CNTN6: variants seen among roughly 807,000 people sequenced by gnomAD.
The protein encoded by CNTN6 is contactin 6.
CNTN6 carries 137 observed loss-of-function variants against 122.8 expected under a neutral mutation model. The observed-to-expected ratio is 1.12, with a 90% CI of 0.97 to 1.29. The LOEUF is 1.29. Among genes scored for constraint, CNTN6 ranks in the 50% most tolerant of loss-of-function variants. The pLI, the probability that CNTN6 is intolerant of heterozygous loss-of-function variation, is 0.00. For synonymous variants in CNTN6, 570 were observed against 426.0 expected, an observed-to-expected ratio of 1.34 and a Z score of -4.16; for missense variants, 1,634 against 1,223.4, an observed-to-expected ratio of 1.34 and a Z score of -5.01.
chr3:1,112,997 CT>C (rs1399758688), intron 1 of CNTN6, among the ~76,000 whole-genome samples: 1 of 152,148 alleles, frequency 6.6e-6, no homozygotes, highest in Non-Finnish European at 1.5e-5. Flanking sequence ...ACTAATTACA[CT>C]ATCACTTATT....
intron 20 of CNTN6, among the ~76,000 whole-genome samples, chr3:1,390,542 G>A (rs1453661075): frequency 6.6e-6 from 1 of 152,016 alleles, no homozygotes; most frequent in Non-Finnish European, 1.5e-5. Context: ...CTGGCAGAAA[G>A]AAAGAAATAA....
Position 1,147,936 on chromosome 3 carries a change from A to G in CNTN6, c.-73A>G. On this transcript the variant is annotated 5_prime_UTR_variant, in exon 2 of 23. Coordinates refer to ENST00000446702, the MANE Select transcript of CNTN6 (RefSeq NM_001289080.2). ...ATTTTGTCTTTTTCAGACTCTTGAG[A>G]TACTGACTGGAAGATAGACTGTTTT... The G allele has an allele frequency of 1.9e-6, 2 of 1,058,046 alleles. No homozygotes were observed. The highest frequency in any genetic ancestry group is 2.9e-6 in the Non-Finnish European group (2 of 683,108). 65.5% of individuals were successfully genotyped at this position (1,058,046 alleles called of 1,614,324 possible).
chr3:1,277,346 C>CTTTTTTTTTTTTTTTT lies in CNTN6; in HGVS notation c.359-1051_359-1036dup, dbSNP rs10599744. Among the ~76,000 whole-genome samples the CTTTTTTTTTTTTTTTT allele has an allele frequency of 2.5e-4, 20 of 80,170 alleles. 2 individuals carry two copies. Among genetic ancestry groups the CTTTTTTTTTTTTTTTT allele is most frequent in the South Asian group, 4.0e-4 (1 of 2,472 alleles). 52.6% of individuals were successfully genotyped at this position (80,170 alleles called of 152,430 possible). On this transcript the variant is annotated intron_variant, in intron 4 of 22. Transcript: ENST00000446702. ...CTACTTCTGTCTTTTAGTAGGTTTT[C>CTTTTTTTTTTTTTTTT]TTTTTTTTTTTTTTTTTTTTTTTTT...
Position 1,295,807 on chromosome 3 carries a change from A to T in CNTN6, c.658+3A>T. The T allele has an allele frequency of 6.2e-7, 1 of 1,609,664 alleles. No homozygotes were observed. The highest frequency in any genetic ancestry group is 2.2e-5 in the East Asian group (1 of 44,860). ...TCCATTAGTGCAGCGCACTGATGGTAAGATAATGAGTTATCTTGGGAATGT... is the reference window on the plus strand; with the variant it reads ...TCCATTAGTGCAGCGCACTGATGGTTAGATAATGAGTTATCTTGGGAATGT... On this transcript the variant is annotated splice_donor_region_variant and intron_variant, in intron 6 of 22. Coordinates refer to ENST00000446702, the MANE Select transcript of CNTN6 (RefSeq NM_001289080.2).
chr3:1,176,696 T>A (rs976556735), intron 2 of CNTN6, among the ~76,000 whole-genome samples: 1 of 152,228 alleles, frequency 6.6e-6, no homozygotes, highest in Non-Finnish European at 1.5e-5. Flanking sequence ...ACTATGTCTG[T>A]TTATTTAAGA....
intron 7 of CNTN6, among the ~76,000 whole-genome samples, chr3:1,316,830 G>A (rs1447769230): frequency 6.6e-6 from 1 of 151,770 alleles, no homozygotes; most frequent in Non-Finnish European, 1.5e-5. Context: ...ATTGATTCCA[G>A]TTTTTCCCAC....
At position 1,257,716 on chromosome 3, in the gene CNTN6, C is replaced by T. The variant is rs563530879; in HGVS notation, c.359-20697C>T. 3.9e-5 allele frequency among the ~76,000 whole-genome samples: 6 copies of T among 152,252 alleles called. No homozygotes were observed. The South Asian group carries it at 8.3e-4, about 21-fold the overall frequency. On this transcript the variant is annotated intron_variant, in intron 4 of 22. Coordinates refer to ENST00000446702, the MANE Select transcript of CNTN6 (RefSeq NM_001289080.2). ...AATAATTTTCCCTTCACACCCCTCC[C>T]GGCAGGGTAGAACACTAGCTGGTGA...
intron 11 of CNTN6, among the ~76,000 whole-genome samples, chr3:1,335,070 A>C (rs1326353403): frequency 6.6e-6 from 1 of 152,134 alleles, no homozygotes; most frequent in East Asian, 1.9e-4. Flanking sequence ...AAGTGATTTG[A>C]AGTCAAAGAT....
intron 2 of CNTN6, among the ~76,000 whole-genome samples, chr3:1,217,719 C>T (rs2094147464): frequency 6.6e-6 from 1 of 152,148 alleles, no homozygotes; most frequent in Admixed American, 6.5e-5. Context: ...TCAGATTCCT[C>T]TGGTGCCTGC....
intron 2 of CNTN6, among the ~76,000 whole-genome samples, chr3:1,213,317 C>T (rs1273057470): frequency 6.9e-6 from 1 of 144,208 alleles, no homozygotes; most frequent in Non-Finnish European, 1.6e-5. Flanking sequence ...TGCATTATTT[C>T]AACCAGGTTT....
At chr3:1,366,848 C>T (rs534655195) in intron 12 of CNTN6, among the ~76,000 whole-genome samples, 7 of 152,224 alleles carry the variant, frequency 4.6e-5, no homozygotes, top group African/African-American at 1.7e-4. Flanking sequence ...CAGGAGGCTA[C>T]TCCCAGGAGG....
intron 1 of CNTN6, among the ~76,000 whole-genome samples, chr3:1,098,881 A>C (rs1342557871): frequency 6.8e-6 from 1 of 147,946 alleles, no homozygotes; most frequent in Non-Finnish European, 1.5e-5. Context: ...CCACCCCCAG[A>C]ATTACCAAAT....
chr3:1,214,405 T>C (rs1405151318), intron 2 of CNTN6, among the ~76,000 whole-genome samples: 1 of 144,070 alleles, frequency 6.9e-6, no homozygotes, highest in African/African-American at 2.6e-5. Flanking sequence ...GCCTCCTGAG[T>C]TCAAGCGATT....
intron 19 of CNTN6, among the ~76,000 whole-genome samples, chr3:1,384,247 G>A (rs1222531127): frequency 6.6e-6 from 1 of 152,042 alleles, no homozygotes. Flanking sequence ...TTTTTCAAAA[G>A]TGATCAGGTG....
chr3:1,355,744 T>G (rs1041722830), intron 12 of CNTN6, among the ~76,000 whole-genome samples: 9 of 151,772 alleles, frequency 5.9e-5, no homozygotes, highest in African/African-American at 2.2e-4. Context: ...GTAAAGCTGA[T>G]AAAACAATCA....
intron 1 of CNTN6, among the ~76,000 whole-genome samples, chr3:1,096,634 C>T (rs1302112852): frequency 6.6e-6 from 1 of 152,144 alleles, no homozygotes; most frequent in African/African-American, 2.4e-5. Flanking sequence ...AAGGCACAAC[C>T]TTCTGTATTG....
intron 1 of CNTN6, among the ~76,000 whole-genome samples, chr3:1,125,976 G>C (rs1418185286): frequency 6.6e-6 from 1 of 151,758 alleles, no homozygotes; most frequent in Non-Finnish European, 1.5e-5. Context: ...TATTTCACAG[G>C]ATTTTTCAAA....
At chr3:1,401,372 C>T in intron 20 of CNTN6, 61 bp from the exon 21 acceptor site, 1 of 1,288,400 alleles carries the variant, frequency 7.8e-7, no homozygotes, top group Non-Finnish European at 1.1e-6. Context: ...CATGTTGATG[C>T]ATCATACTTT....
In CNTN6 at chr3:1,400,471, C is replaced by T. The variant is rs1695545764; in HGVS notation, c.2705-962C>T. 2.0e-5 allele frequency among the ~76,000 whole-genome samples: 3 copies of T among 147,036 alleles called. No homozygotes were observed. In the Admixed American group the frequency reaches 2.0e-4, roughly 10 times the overall value. ...TAAATCTTTCATCTCTTATCTCCCACCATCTCTCACGCAGACAACATTAAT... is the reference window on the plus strand; with the variant it reads ...TAAATCTTTCATCTCTTATCTCCCATCATCTCTCACGCAGACAACATTAAT... On this transcript the variant is annotated intron_variant, in intron 20 of 22. Transcript: ENST00000446702.
Sources: gnomAD v4.1 joint callset for allele counts (sites outside exome capture counted in the v4.1 genomes callset) on GRCh38, gnomAD v4.1.1 for gene constraint, MANE v1.5 for transcripts, NCBI Gene and HGNC (gene_info 2026-07-23, HGNC 2026-07-21) for gene names.